The following NEB variants were observed in gnomAD, a reference collection of about 807,000 sequenced individuals.
NEB encodes the protein nebulin.
Under a neutral mutation model 952.2 loss-of-function variants are expected in NEB, and 512 were observed. The ratio of observed to expected loss-of-function variants is 0.54; its 90% CI spans 0.50 to 0.58. The LOEUF (loss-of-function observed/expected upper bound fraction) is 0.58, where lower values mean the gene tolerates loss of function less well. NEB is among the 20% of genes least tolerant of loss of function. The pLI, the probability that NEB is intolerant of heterozygous loss-of-function variation, is 0.00. For synonymous variants in NEB, 2,900 were observed against 3,149.8 expected (o/e 0.92, Z 2.66); for missense variants, 8,428 against 9,231.1 (o/e 0.91, Z 3.56).
At chr2:151,562,896 G>C in intron 119 of NEB, 88 bp from the exon 120 acceptor site, 1 of 802,500 alleles carries the variant, frequency 1.2e-6, no homozygotes, top group East Asian at 2.8e-5. Flanking sequence ...TTCCCATATA[G>C]ATCAGTATCT....
intron 145 of NEB, 29 bp from the exon 146 acceptor site, chr2:151,529,343 A>G (rs968462088): frequency 7.0e-7 from 1 of 1,425,200 alleles, no homozygotes; most frequent in Non-Finnish European, 9.9e-7. Flanking sequence ...TGACAAGATT[A>G]ATTTTTTTAT....
At chr2:151,642,896 G>A (rs781108179) in intron 58 of NEB, 27 bp from the exon 59 acceptor site, 8 of 1,511,112 alleles carry the variant, frequency 5.3e-6, no homozygotes, top group East Asian at 4.6e-5. Context: ...AACATGACTG[G>A]TATAGGCCAG....
chr2:151,638,109 C>T (rs549971753), intron 63 of NEB, among the ~76,000 whole-genome samples: 1 of 152,332 alleles, frequency 6.6e-6, no homozygotes, highest in South Asian at 2.1e-4. Context: ...AAATGCCAAT[C>T]TTTGAACAGA....
In NEB at chr2:151,629,554, C is replaced by G. The variant is rs1250627358; in HGVS notation, c.9816G>C (p.Arg3272Ser). The change falls in exon 68 of 182, where the codon AGG (arginine) becomes AGC (serine). Residue 3272 changes from arginine to serine, a missense_variant. Around this residue, in one of 11 missense-constraint regions of NEB, gnomAD observed 1,772 missense variants for 1,960.3 expected, o/e 0.90. Transcript: ENST00000397345. The part of the protein sequence containing the change: ...AIPIVAAKAS[R>S]DVISDYKYKD... ...TGCTACTCACATCACTGATAACGTC[C>G]CTGGAGGCCTTGGCAGCCACGATGG... 23 of 1,613,380 alleles carry G rather than the reference C, an allele frequency of 1.4e-5. No individual in the cohort carries two copies. Among genetic ancestry groups the G allele is most frequent in the Non-Finnish European group, 2.0e-5 (23 of 1,179,428 alleles).
At chr2:151,659,297 T>C (rs139370581) in intron 46 of NEB, 128 bp from the exon 47 acceptor site, 3 of 538,698 alleles carry the variant, frequency 5.6e-6, no homozygotes, top group African/African-American at 2.0e-5. Flanking sequence ...TTAATTAATT[T>C]ATTTATTTAT....
Position 151,514,832 on chromosome 2 carries a change from T to C in NEB, c.23002A>G (p.Lys7668Glu), listed in dbSNP as rs755548124. 3.2e-6 allele frequency: 5 copies of C among 1,575,896 alleles called. No homozygotes were observed. The highest frequency in any genetic ancestry group is 1.8e-5 in the Admixed American group (1 of 54,386). ...PALLHVKYAT[K>E]IASEKEYRKD... ...GTGGGCACTACCTCGCTTGCTATTTTAGTTGCATATTTGACATGTAACAAA... is the reference window on the plus strand; with the variant it reads ...GTGGGCACTACCTCGCTTGCTATTTCAGTTGCATATTTGACATGTAACAAA... Residue 7668 changes from lysine (K) to glutamate (E), a missense_variant, in exon 158 of 182, where the codon AAA becomes GAA. By Grantham distance (56) the Lys-to-Glu change is moderately conservative. Around this residue, in one of 11 missense-constraint regions of NEB, gnomAD observed 3,374 missense variants for 3,651.5 expected, o/e 0.92. Coordinates refer to ENST00000397345, the MANE Select transcript of NEB (RefSeq NM_001164508.2).
intron 71 of NEB, among the ~76,000 whole-genome samples, chr2:151,623,825 A>C (rs1400730737): frequency 5.9e-5 from 9 of 152,152 alleles, no homozygotes; most frequent in Non-Finnish European, 1.0e-4. Flanking sequence ...TATTTTAAAA[A>C]TGGTATAAGT....
intron 133 of NEB, among the ~76,000 whole-genome samples, chr2:151,547,188 G>A (rs2094824758): frequency 6.6e-6 from 1 of 152,090 alleles, no homozygotes; most frequent in Non-Finnish European, 1.5e-5. Flanking sequence ...TAGAATGGTG[G>A]TCACTGAGTG....
At chr2:151,496,481 C>T in intron 172 of NEB, 113 bp from the exon 173 acceptor site, 2 of 1,462,374 alleles carry the variant, frequency 1.4e-6, no homozygotes, top group Non-Finnish European at 1.8e-6. Flanking sequence ...GTCCAAGGAG[C>T]CAGAAGTTAT....
In NEB at chr2:151,642,841, T is replaced by C. The variant is rs76767949; in HGVS notation, c.8189A>G (p.Asp2730Gly). Residue 2730 changes from aspartate (D) to glycine (G), a missense_variant, in exon 59 of 182, where the codon GAT (aspartate) becomes GGT (glycine). Asp to Gly is a moderately conservative substitution (Grantham distance 94). Coordinates refer to ENST00000397345, the MANE Select transcript of NEB (RefSeq NM_001164508.2). Reference protein sequence around the residue: ...HRLYTEAWDKDKTTVHIMPDT... With the variant: ...HRLYTEAWDKGKTTVHIMPDT... ...TGGCATAATGTGGACAGTGGTTTTA[T>C]CTTTATCCCAAGCTTCTGTATAGAG... 3.2e-3 allele frequency: 5,093 copies of C among 1,612,288 alleles called. 129 individuals carry two copies. The East Asian group carries it at 0.067, about 21-fold the overall frequency.
chr2:151,549,692 G>A lies in NEB; in HGVS notation c.19993C>T (p.Pro6665Ser), dbSNP rs751724804. 83 of 1,600,754 alleles carry A rather than the reference G, an allele frequency of 5.2e-5. 1 individual carries two copies. In the Middle Eastern group the frequency reaches 4.1e-3, roughly 80 times the overall value. ...LRTLPTGYRL[P>S]GDTPHFKHIK... ...TGTTTGAAGTGAGGAGTGTCACCTG[G>A]AAGTCTATATCCAGTGGGCAGGGTG... The change falls in exon 130 of 182, where the codon CCA (proline) becomes TCA (serine). Residue 6665 changes from proline to serine, a missense_variant. By Grantham distance (74) the Pro-to-Ser change is moderately conservative. Around this residue, in one of 11 missense-constraint regions of NEB, gnomAD observed 3,374 missense variants for 3,651.5 expected, o/e 0.92. Coordinates refer to ENST00000397345, the MANE Select transcript of NEB (RefSeq NM_001164508.2).
Position 151,609,903 on chromosome 2 carries a change from T to C in NEB, c.12236A>G (p.Asp4079Gly). 3 of 1,613,958 alleles carry C rather than the reference T, an allele frequency of 1.9e-6. No individual in the cohort carries two copies. Among genetic ancestry groups the C allele is most frequent in the Non-Finnish European group, 2.5e-6 (3 of 1,179,838 alleles). The change falls in exon 81 of 182, where the codon GAC becomes GGC. Residue 4079 changes from aspartate (D) to glycine (G), a missense_variant. Around this residue, in one of 11 missense-constraint regions of NEB, gnomAD observed 337 missense variants for 297.5 expected, o/e 1.13. Transcript: ENST00000397345. ...ATGCAGGTAATTGCGATAATCAATG[T>C]CAGTGACCAAAGTCTGACATTTCTT... ...LAKKCQTLVT[D>G]IDYRNYLHEW...
intron 105 of NEB, among the ~76,000 whole-genome samples, chr2:151,578,725 GGGAA>G (rs1039402097): frequency 8.9e-5 from 13 of 146,688 alleles, no homozygotes; most frequent in Non-Finnish European, 1.5e-4. Flanking sequence ...GAAGGAAGGA[GGGAA>G]GGAAGGAAGG....
At chr2:151,641,756 G>GT (rs1017117752) in intron 60 of NEB, among the ~76,000 whole-genome samples, 4 of 151,856 alleles carry the variant, frequency 2.6e-5, no homozygotes, top group Non-Finnish European at 4.4e-5. Context: ...AAAATCTAGA[G>GT]TTTTTTTTAT....
intron 119 of NEB, among the ~76,000 whole-genome samples, chr2:151,563,297 A>T (rs1438729459): frequency 6.6e-6 from 1 of 152,132 alleles, no homozygotes; most frequent in Non-Finnish European, 1.5e-5. Context: ...TACAGGTGTG[A>T]GCCATTTCAC....
chr2:151,550,720 C>T (rs890636406), intron 129 of NEB, among the ~76,000 whole-genome samples: 2 of 152,256 alleles, frequency 1.3e-5, no homozygotes, highest in South Asian at 2.1e-4. Context: ...TCACTGCATC[C>T]TTGACCTCCC....
chr2:151,497,101 G>C (rs2060742909), intron 171 of NEB, 68 bp from the exon 172 acceptor site: 15 of 1,506,428 alleles, frequency 1.0e-5, no homozygotes, highest in African/African-American at 1.4e-5. Context: ...AGGTTTTAAG[G>C]GTAAGGTCAG....
At chr2:151,524,111 G>C (rs1349708846) in intron 153 of NEB, among the ~76,000 whole-genome samples, 200 bp downstream of exon 153, 1 of 152,170 alleles carries the variant, frequency 6.6e-6, no homozygotes, top group African/African-American at 2.4e-5. Context: ...AAATGGTAAA[G>C]TGGAGAACAA....
chr2:151,682,238 G>A (rs2148712686), intron 29 of NEB, among the ~76,000 whole-genome samples: 1 of 152,192 alleles, frequency 6.6e-6, no homozygotes, highest in Admixed American at 6.5e-5. Flanking sequence ...ACTTTTTGGG[G>A]TATTGCAGCA....
Sources: allele counts gnomAD v4.1 joint callset (sites outside exome capture counted in the v4.1 genomes callset), GRCh38; gene constraint gnomAD v4.1.1; regional missense constraint gnomAD v4.1.1; transcripts MANE v1.5; gene names NCBI Gene and HGNC (gene_info 2026-07-23, HGNC 2026-07-21).